Variants in KCTD8 observed in about 807,000 individuals in gnomAD.
The protein encoded by KCTD8 is potassium channel tetramerization domain containing 8.
A neutral mutation model predicts 31.5 loss-of-function variants in KCTD8; 27 were observed. The observed-to-expected ratio is 0.86, with a 90% CI of 0.63 to 1.18. The LOEUF (loss-of-function observed/expected upper bound fraction) is 1.18, where lower values mean the gene tolerates loss of function less well. Ranked by LOEUF, KCTD8 falls within the 50% of genes most tolerant of loss-of-function variation. The pLI is 0.00. For synonymous variants in KCTD8, 290 were observed against 280.0 expected (o/e 1.04, Z -0.36); for missense variants, 658 against 647.7 (o/e 1.02, Z -0.17).
At chr4:44,303,282 T>C (rs542727152) in intron 1 of KCTD8, among the ~76,000 whole-genome samples, 275 of 152,216 alleles carry the variant, frequency 1.8e-3, no homozygotes, top group Middle Eastern at 3.4e-3. Flanking sequence ...TGGAATAGTT[T>C]CAGAAGGAAT....
At chr4:44,246,121 T>C (rs1361838029) in intron 1 of KCTD8, among the ~76,000 whole-genome samples, 1 of 152,086 alleles carries the variant, frequency 6.6e-6, no homozygotes, top group Non-Finnish European at 1.5e-5. Context: ...TTTATTTCTG[T>C]TACATGGGAA....
intron 1 of KCTD8, among the ~76,000 whole-genome samples, chr4:44,384,466 T>A (rs1377489327): frequency 6.6e-6 from 1 of 151,892 alleles, no homozygotes; most frequent in African/African-American, 2.4e-5. Flanking sequence ...ATAAATGAAA[T>A]CCTGTTATTT....
intron 1 of KCTD8, among the ~76,000 whole-genome samples, chr4:44,238,981 G>A (rs986276073): frequency 2.0e-5 from 3 of 152,038 alleles, no homozygotes; most frequent in Non-Finnish European, 4.4e-5. Flanking sequence ...ATAGAAGTTG[G>A]TTTCTCTAAG....
rs112309013 is a variant in KCTD8, at chr4:44,240,732, C to T, written c.962-65482G>A. Among the ~76,000 whole-genome samples, 1,379 of 152,210 alleles carry T rather than the reference C, an allele frequency of 9.1e-3. 19 individuals carry two copies. Among genetic ancestry groups the T allele is most frequent in the African/African-American group, 0.031 (1,289 of 41,512 alleles). ...TATCTTCAGGAGTACAGGGCCAGAC[C>T]CATCCTTAAAACAGCTTTAAAATGC... On this transcript the variant is annotated intron_variant, in intron 1 of 1. Coordinates refer to ENST00000360029, the MANE Select transcript of KCTD8 (RefSeq NM_198353.3).
At chr4:44,446,997 T>A (rs937407034) in intron 1 of KCTD8, among the ~76,000 whole-genome samples, 1 of 152,190 alleles carries the variant, frequency 6.6e-6, no homozygotes, top group Non-Finnish European at 1.5e-5. Flanking sequence ...CGAGGGGCTC[T>A]GGGGGCACCT....
chr4:44,206,575 T>G (rs1172250622), intron 1 of KCTD8, among the ~76,000 whole-genome samples: 1 of 152,212 alleles, frequency 6.6e-6, no homozygotes, highest in African/African-American at 2.4e-5. Context: ...AAGTGGTCCC[T>G]GGTCAGACAG....
chr4:44,277,128 T>TTAA, intron 1 of KCTD8, among the ~76,000 whole-genome samples: 1 of 151,964 alleles, frequency 6.6e-6, no homozygotes, highest in Non-Finnish European at 1.5e-5. Context: ...ATTAAAGTTA[T>TTAA]TAATATTCAT....
intron 1 of KCTD8, among the ~76,000 whole-genome samples, chr4:44,413,380 T>C (rs1721002552): frequency 2.0e-5 from 3 of 152,162 alleles, no homozygotes; most frequent in Admixed American, 6.6e-5. Context: ...TAAAACACAA[T>C]CTTTGGAAAA....
chr4:44,331,622 T>C (rs914511941), intron 1 of KCTD8, among the ~76,000 whole-genome samples: 1 of 151,212 alleles, frequency 6.6e-6, no homozygotes. Context: ...ATCTTTCCTG[T>C]TGATTTTGAA....
At chr4:44,396,780 A>G (rs1275428289) in intron 1 of KCTD8, among the ~76,000 whole-genome samples, 3 of 152,168 alleles carry the variant, frequency 2.0e-5, no homozygotes, top group Non-Finnish European at 4.4e-5. Context: ...CTCATCACAC[A>G]TTTCAGACCC....
In KCTD8 at chr4:44,447,482, G is replaced by A. The variant is rs539725620; in HGVS notation, c.961+81C>T. On this transcript the variant is annotated intron_variant, in intron 1 of 1. Transcript: ENST00000360029. Reference sequence around the variant, plus strand: ...CAGCGCCTGCCCCGGACACCCCCGCGGGGCCTCCAGCGGGGCTCAAACTGG... The same window carrying A: ...CAGCGCCTGCCCCGGACACCCCCGCAGGGCCTCCAGCGGGGCTCAAACTGG... 5.7e-5 allele frequency: 82 copies of A among 1,434,090 alleles called. No individual in the cohort carries two copies. The African/African-American group carries it at 9.3e-4, about 16-fold the overall frequency. 88.8% of individuals were successfully genotyped at this position (1,434,090 alleles called of 1,614,324 possible). A position where few individuals can be genotyped will look rare whatever the true frequency, so the allele number is the denominator to read the frequency against.
At chr4:44,199,202 G>C (rs1714054081) in intron 1 of KCTD8, among the ~76,000 whole-genome samples, 1 of 151,972 alleles carries the variant, frequency 6.6e-6, no homozygotes, top group South Asian at 2.1e-4. Flanking sequence ...ATAATAGTAA[G>C]GTACTGTAAC....
chr4:44,288,806 C>G (rs1235660217), intron 1 of KCTD8, among the ~76,000 whole-genome samples: 1 of 151,960 alleles, frequency 6.6e-6, no homozygotes, highest in African/African-American at 2.4e-5. Flanking sequence ...CTCACCTACC[C>G]TCTTCCTTTC....
At position 44,351,384 on chromosome 4, in the gene KCTD8, G is replaced by GTGCATTAAAAAGAATTTTT. The variant is rs527409671; in HGVS notation, c.961+96178_961+96179insAAAAATTCTTTTTAATGCA. Among the ~76,000 whole-genome samples, 17 of 152,190 alleles carry GTGCATTAAAAAGAATTTTT rather than the reference G, an allele frequency of 1.1e-4. No homozygotes were observed. The East Asian group carries it at 2.5e-3, about 22-fold the overall frequency. On this transcript the variant is annotated intron_variant, in intron 1 of 1. Transcript: ENST00000360029. ...TTTTAAGTCATTAAAAAGAATTTTT[G>GTGCATTAAAAAGAATTTTT]TGCATTAAAAGTACCCAAACAAACC...
intron 1 of KCTD8, among the ~76,000 whole-genome samples, chr4:44,193,328 G>A (rs775291873): frequency 9.9e-5 from 15 of 152,054 alleles, no homozygotes; most frequent in African/African-American, 1.4e-4. Context: ...GTTTAGAGAC[G>A]TTATGAAACT....
intron 1 of KCTD8, among the ~76,000 whole-genome samples, chr4:44,210,438 G>A (rs541797365): frequency 8.2e-4 from 125 of 152,246 alleles, no homozygotes; most frequent in African/African-American, 2.9e-3. Flanking sequence ...CTAATCCAAT[G>A]AGGTTATATA....
chr4:44,213,782 A>T (rs1714563072), intron 1 of KCTD8, among the ~76,000 whole-genome samples: 1 of 152,204 alleles, frequency 6.6e-6, no homozygotes, highest in African/African-American at 2.4e-5. Flanking sequence ...GGCTCAGGAC[A>T]TACAACCCAA....
At chr4:44,253,292 T>A (rs2109362370) in intron 1 of KCTD8, among the ~76,000 whole-genome samples, 1 of 151,958 alleles carries the variant, frequency 6.6e-6, no homozygotes, top group East Asian at 1.9e-4. Flanking sequence ...TTTTTCTTTT[T>A]AATCACAAAT....
At chr4:44,273,443 T>C (rs539562693) in intron 1 of KCTD8, among the ~76,000 whole-genome samples, 1 of 152,048 alleles carries the variant, frequency 6.6e-6, no homozygotes, top group African/African-American at 2.4e-5. Flanking sequence ...AAAACCTTAA[T>C]GAATTTTTTA....
Sources: gnomAD v4.1 joint callset for allele counts (sites outside exome capture counted in the v4.1 genomes callset) on GRCh38, gnomAD v4.1.1 for gene constraint, MANE v1.5 for transcripts, NCBI Gene and HGNC (gene_info 2026-07-23, HGNC 2026-07-21) for gene names.